Variants in MACROH2A1 observed in about 807,000 individuals in gnomAD.
MACROH2A1 encodes the protein macroH2A.1 histone, also known as core histone macro-H2A.1.
MACROH2A1 carries 2 observed loss-of-function variants against 31.6 expected under a neutral mutation model. That is an observed-to-expected ratio of 0.06 (90% CI 0.03 to 0.20). The LOEUF is 0.20. MACROH2A1 is among the 10% of genes least tolerant of loss of function. The pLI, the probability that MACROH2A1 is intolerant of heterozygous loss-of-function variation, is 1.00. For missense variants in MACROH2A1, 230 were observed against 474.0 expected (o/e 0.49, Z 4.78); for synonymous variants, 169 against 189.6 (o/e 0.89, Z 0.89).
chr5:135,378,284 C>T (rs957197989), intron 2 of MACROH2A1, among the ~76,000 whole-genome samples: 1 of 152,236 alleles, frequency 6.6e-6, no homozygotes, highest in Non-Finnish European at 1.5e-5. Context: ...CTAACATGCA[C>T]CAGACCGCCC....
At chr5:135,337,693 C>T (rs887889072) in intron 8 of MACROH2A1, among the ~76,000 whole-genome samples, 5 of 152,214 alleles carry the variant, frequency 3.3e-5, no homozygotes, top group African/African-American at 1.2e-4. Context: ...ACTTTATAAT[C>T]CAAGCTGGCA....
At chr5:135,358,621 A>G in intron 5 of MACROH2A1, 1 of 984,706 alleles carries the variant, frequency 1.0e-6, no homozygotes, top group Non-Finnish European at 1.2e-6. Context: ...TTTCCTTCCA[A>G]AAGTCAAGAT....
chr5:135,376,166 T>A (rs1015371816), intron 2 of MACROH2A1, among the ~76,000 whole-genome samples: 4 of 152,128 alleles, frequency 2.6e-5, no homozygotes, highest in Non-Finnish European at 2.9e-5. Context: ...CAGCAGTGAT[T>A]GAAAGTAGTA....
At chr5:135,350,579 T>C (rs1219503992) in intron 6 of MACROH2A1, 1 of 451,246 alleles carries the variant, frequency 2.2e-6, no homozygotes, top group East Asian at 3.5e-5. Flanking sequence ...AAGAAACGAT[T>C]CTGCTGAACC....
chr5:135,343,658 T>G, intron 7 of MACROH2A1: 1 of 630,122 alleles, frequency 1.6e-6, no homozygotes, highest in Non-Finnish European at 2.7e-6. Flanking sequence ...CCACCAGGAA[T>G]TTTGACCAAG....
chr5:135,363,832 C>T (rs1343040510), intron 4 of MACROH2A1, among the ~76,000 whole-genome samples: 3 of 152,216 alleles, frequency 2.0e-5, no homozygotes, highest in Non-Finnish European at 4.4e-5. Flanking sequence ...CTCTTCAGCA[C>T]CTGTTGTTTC....
intron 5 of MACROH2A1, 22 bp from the exon 6 acceptor site, chr5:135,353,067 G>A: frequency 6.9e-7 from 1 of 1,446,538 alleles, no homozygotes; most frequent in Non-Finnish European, 9.7e-7. Flanking sequence ...AGCATGAGGT[G>A]GGAAATAACA....
chr5:135,351,216 G>A (rs899529746), intron 6 of MACROH2A1: 6 of 211,486 alleles, frequency 2.8e-5, no homozygotes, highest in Non-Finnish European at 5.6e-5. Flanking sequence ...GTTTCACTTC[G>A]CAAAAGCCTA....
At chr5:135,343,625 A>C in intron 7 of MACROH2A1, 191 bp from the exon 8 acceptor site, 1 of 862,892 alleles carries the variant, frequency 1.2e-6, no homozygotes, top group South Asian at 1.8e-5. Flanking sequence ...ACACCCTTGG[A>C]AAGTTGGCAT....
chr5:135,371,678 T>C (rs887544320), intron 2 of MACROH2A1, among the ~76,000 whole-genome samples: 2 of 152,224 alleles, frequency 1.3e-5, no homozygotes, highest in East Asian at 1.9e-4. Context: ...GGCATACGGA[T>C]AGACCCAGAA....
At chr5:135,388,832 A>G in intron 2 of MACROH2A1, 90 bp downstream of exon 2, 1 of 1,140,526 alleles carries the variant, frequency 8.8e-7, no homozygotes, top group Non-Finnish European at 1.2e-6. Flanking sequence ...AGCTGTTTCA[A>G]AATAAAAGAA....
At chr5:135,343,528 T>A (rs900969290) in intron 7 of MACROH2A1, 94 bp from the exon 8 acceptor site, 1 of 1,557,924 alleles carries the variant, frequency 6.4e-7, no homozygotes, top group Non-Finnish European at 8.7e-7. Flanking sequence ...CCACGGTATA[T>A]CTTCCTGGGC....
At chr5:135,374,527 A>G (rs1202414057) in intron 2 of MACROH2A1, among the ~76,000 whole-genome samples, 1 of 152,210 alleles carries the variant, frequency 6.6e-6, no homozygotes, top group Non-Finnish European at 1.5e-5. Context: ...CATTCCCACC[A>G]GCAAGGAGGG....
At chr5:135,338,099 T>C (rs370645922) in intron 8 of MACROH2A1, 2 of 723,504 alleles carry the variant, frequency 2.8e-6, no homozygotes, top group African/African-American at 1.9e-5. Context: ...AATGTGTAGG[T>C]GGATGCCCTG....
Position 135,369,726 on chromosome 5 carries a change from TC to T in MACROH2A1, c.280-124del. The T allele has an allele frequency of 1.4e-6, 1 of 709,384 alleles. No homozygotes were observed. Among genetic ancestry groups the T allele is most frequent in the Non-Finnish European group, 2.4e-6 (1 of 415,814 alleles). 43.9% of individuals were successfully genotyped at this position (709,384 alleles called of 1,614,324 possible). A position where few individuals can be genotyped will look rare whatever the true frequency, so the allele number is the denominator to read the frequency against. ...TGCAGCTCCTTCCTCCATGGCATCC[TC>T]CATGAGGATGCTGCCAGGACTCAAG... On this transcript the variant is annotated intron_variant, in intron 3 of 8. Transcript: ENST00000511689. The surrounding 1 kb of genome is among the most constrained non-coding windows in gnomAD (Gnocchi z 4.3).
At position 135,369,343 on chromosome 5, in the gene MACROH2A1, G is replaced by C; in HGVS notation, c.477+63C>G. The C allele has an allele frequency of 1.5e-6, 2 of 1,357,546 alleles. No individual in the cohort carries two copies. The highest frequency in any genetic ancestry group is 2.1e-6 in the Non-Finnish European group (2 of 948,150). 84.1% of individuals were successfully genotyped at this position (1,357,546 alleles called of 1,614,324 possible). On this transcript the variant is annotated intron_variant, in intron 4 of 8. Transcript: ENST00000511689. The surrounding 1 kb of genome is among the most constrained non-coding windows in gnomAD (Gnocchi z 4.3). ...ACAGGGGGAATGAGGGGGGTGCCCT[G>C]GTAACCCTGTTTATCCGTACCCCAT... is the stretch of plus-strand genomic sequence containing the variant.
intron 4 of MACROH2A1, among the ~76,000 whole-genome samples, chr5:135,367,797 T>C (rs912420451): frequency 6.6e-6 from 1 of 152,254 alleles, no homozygotes; most frequent in Non-Finnish European, 1.5e-5. Context: ...AATCAAAAGA[T>C]GATAGATTCA....
At chr5:135,392,769 A>G (rs1455517093) in intron 1 of MACROH2A1, among the ~76,000 whole-genome samples, 1 of 152,124 alleles carries the variant, frequency 6.6e-6, no homozygotes, top group Non-Finnish European at 1.5e-5. Flanking sequence ...AGCCAGACTG[A>G]CCTGATTATA....
intron 4 of MACROH2A1, among the ~76,000 whole-genome samples, chr5:135,367,816 G>A (rs1420026142): frequency 6.6e-6 from 1 of 152,208 alleles, no homozygotes; most frequent in Non-Finnish European, 1.5e-5. Flanking sequence ...CAGTATCTTC[G>A]TTGCCTTTTT....
Sources: allele counts gnomAD v4.1 joint callset (sites outside exome capture counted in the v4.1 genomes callset), GRCh38; gene constraint gnomAD v4.1.1; non-coding constraint Gnocchi (gnomAD v3.1); transcripts MANE v1.5; gene names NCBI Gene and HGNC (gene_info 2026-07-23, HGNC 2026-07-21).